Variants in FHIP2A observed in about 807,000 individuals in gnomAD.
FHIP2A encodes FHF complex subunit HOOK interacting protein 2A, also known as family with sequence similarity 160 member B1.
In FHIP2A, 46 loss-of-function variants were observed where a neutral mutation model predicts 93.5. The observed-to-expected ratio is 0.49, with a 90% CI of 0.39 to 0.63. The LOEUF (loss-of-function observed/expected upper bound fraction) is 0.63. FHIP2A is among the 20% of genes least tolerant of loss of function. The probability of loss-of-function intolerance (pLI) is 0.00; values close to 1 mark genes in which losing one functional copy is unlikely to be tolerated. For missense variants in FHIP2A, 769 were observed against 909.7 expected, an observed-to-expected ratio of 0.85 and a Z score of 1.99; for synonymous variants, 332 against 326.5, an observed-to-expected ratio of 1.02 and a Z score of -0.18.
intron 16 of FHIP2A, among the ~76,000 whole-genome samples, chr10:114,883,297 G>C (rs991068041): frequency 6.6e-6 from 1 of 152,112 alleles, no homozygotes; most frequent in African/African-American, 2.4e-5. Context: ...TGATTCAGGG[G>C]ATGAAGAGTG....
At chr10:114,822,951 A>G (rs2083546041) in intron 1 of FHIP2A, among the ~76,000 whole-genome samples, 1 of 152,254 alleles carries the variant, frequency 6.6e-6, no homozygotes, top group Non-Finnish European at 1.5e-5. Flanking sequence ...AAGAAACTAA[A>G]AAGAAAATGC....
chr10:114,899,600 T>A, exon 17 of FHIP2A: 1 of 713,442 alleles, frequency 1.4e-6, no homozygotes, highest in Non-Finnish European at 2.6e-6. Flanking sequence ...TCTTGGGCCT[T>A]GGATCAACTG....
At chr10:114,839,436 G>C (rs1050306019) in intron 5 of FHIP2A, among the ~76,000 whole-genome samples, 1 of 152,134 alleles carries the variant, frequency 6.6e-6, no homozygotes, top group Non-Finnish European at 1.5e-5. Context: ...CAGAAATGCA[G>C]TTTTATTACT....
intron 5 of FHIP2A, among the ~76,000 whole-genome samples, chr10:114,836,962 C>T (rs1035088909): frequency 1.3e-5 from 2 of 152,008 alleles, no homozygotes; most frequent in Non-Finnish European, 2.9e-5. Flanking sequence ...AGTATGGGGG[C>T]GTGACCATTG....
intron 4 of FHIP2A, 91 bp downstream of exon 4, chr10:114,835,732 G>T: frequency 1.2e-6 from 1 of 815,608 alleles, no homozygotes; most frequent in Non-Finnish European, 1.8e-6. Flanking sequence ...TAAAAATAAT[G>T]AAATTATTCC....
rs1328448012 is a variant in FHIP2A at position 114,843,137 on chromosome 10, A to C, written c.727A>C (p.Ser243Arg). ...DHLSTSLDNL[S>R]VTSLPEASVV... is the part of the protein sequence containing the mutation. ...CCTGTCCACAAGCTTGGATAACCTC[A>C]GTGTCACCTCACTGCCAGAGGCCTC... Residue 243 changes from serine to arginine, a missense_variant, in exon 6 of 17, where the codon AGT (serine) becomes CGT (arginine). Transcript: ENST00000369248. 6.2e-7 allele frequency: 1 copy of C among 1,613,904 alleles called. No homozygotes were observed. The highest frequency in any genetic ancestry group is 1.1e-5 in the South Asian group (1 of 91,066).
chr10:114,883,015 A>G (rs1212208209), intron 16 of FHIP2A, among the ~76,000 whole-genome samples: 1 of 152,108 alleles, frequency 6.6e-6, no homozygotes, highest in African/African-American at 2.4e-5. Flanking sequence ...ATGGGCGGAG[A>G]CTGGCGAAAG....
Position 114,861,336 on chromosome 10 carries a change from T to C in FHIP2A, c.2192+2T>C. On this transcript the variant is annotated splice_donor_variant, in intron 16 of 16. Transcript: ENST00000369248. LOFTEE classifies it high-confidence loss of function. The stretch of plus-strand genomic sequence containing the variant: ...TGGTTTGGAACCTGAAGGCCCTATG[T>C]AAGTTAGTGTTTTACATTTTTTTAA... 1 of 1,613,996 alleles carries C rather than the reference T, an allele frequency of 6.2e-7. No individual in the cohort carries two copies. The highest frequency in any genetic ancestry group is 8.5e-7 in the Non-Finnish European group (1 of 1,179,980).
intron 16 of FHIP2A, among the ~76,000 whole-genome samples, chr10:114,893,729 T>G (rs1467390461): frequency 6.6e-6 from 1 of 152,192 alleles, no homozygotes; most frequent in Non-Finnish European, 1.5e-5. Context: ...GGAGTGTGTG[T>G]GTGTGTATGT....
intron 16 of FHIP2A, among the ~76,000 whole-genome samples, chr10:114,892,143 T>A (rs1415930331): frequency 2.6e-5 from 4 of 152,106 alleles, no homozygotes; most frequent in African/African-American, 4.8e-5. Context: ...GAAAAAATAT[T>A]GAGGCAAAGT....
chr10:114,867,148 T>G (rs7093674), downstream of FHIP2A, among the ~76,000 whole-genome samples: 48,002 of 150,616 alleles, frequency 0.32, 8,220 homozygotes, highest in Non-Finnish European at 0.39. Context: ...GGCGGAGGTT[T>G]CAGTGAGCAG....
chr10:114,893,169 T>C (rs897156422), intron 16 of FHIP2A, among the ~76,000 whole-genome samples: 6 of 152,204 alleles, frequency 3.9e-5, no homozygotes, highest in African/African-American at 1.4e-4. Context: ...ATTAGCATAG[T>C]CTCTGGAGCA....
chr10:114,888,737 G>A (rs2083955343), intron 16 of FHIP2A, among the ~76,000 whole-genome samples: 1 of 152,062 alleles, frequency 6.6e-6, no homozygotes, highest in Non-Finnish European at 1.5e-5. Context: ...CAAGTAGCTG[G>A]GATTACAATC....
At chr10:114,890,624 A>G (rs1001427262) in intron 16 of FHIP2A, among the ~76,000 whole-genome samples, 5 of 148,046 alleles carry the variant, frequency 3.4e-5, no homozygotes, top group African/African-American at 1.2e-4. Flanking sequence ...TATACGCTAT[A>G]TATGACATAT....
chr10:114,843,432 G>T (rs2083681440), intron 6 of FHIP2A, among the ~76,000 whole-genome samples: 1 of 151,594 alleles, frequency 6.6e-6, no homozygotes, highest in Non-Finnish European at 1.5e-5. Flanking sequence ...AGCCTCCCTA[G>T]TAGCTGGGAT....
intron 13 of FHIP2A, among the ~76,000 whole-genome samples, chr10:114,854,198 A>C (rs1191508785): frequency 6.6e-6 from 1 of 151,644 alleles, no homozygotes; most frequent in Non-Finnish European, 1.5e-5. Context: ...AAATGCAATA[A>C]AAATGAATTC....
At chr10:114,830,979 A>G in intron 2 of FHIP2A, 49 bp downstream of exon 2, 3 of 1,072,432 alleles carry the variant, frequency 2.8e-6, no homozygotes, top group South Asian at 1.5e-5. Context: ...AGTTAAACAG[A>G]AAATTTGTGA....
At chr10:114,897,760 A>G (rs530103531) in intron 16 of FHIP2A, among the ~76,000 whole-genome samples, 1 of 152,262 alleles carries the variant, frequency 6.6e-6, no homozygotes, top group Admixed American at 6.5e-5. Context: ...AAGTACAAAA[A>G]TTAGCCAGGC....
intron 12 of FHIP2A, 24 bp from the exon 13 acceptor site, chr10:114,848,623 T>G (rs776519808): frequency 6.9e-7 from 1 of 1,446,736 alleles, no homozygotes; most frequent in Non-Finnish European, 9.7e-7. Context: ...ACATCTTGCA[T>G]AATTGTGGCC....
Sources: gnomAD v4.1 joint callset for allele counts (sites outside exome capture counted in the v4.1 genomes callset) on GRCh38, gnomAD v4.1.1 for gene constraint, MANE v1.5 for transcripts, NCBI Gene and HGNC (gene_info 2026-07-23, HGNC 2026-07-21) for gene names.